PTPRK: variants seen among roughly 807,000 people sequenced by gnomAD.
PTPRK encodes receptor-type tyrosine-protein phosphatase kappa.
PTPRK carries 75 observed loss-of-function variants against 178.0 expected under a neutral mutation model. That is an observed-to-expected ratio of 0.42 (90% CI 0.35 to 0.51). The LOEUF is 0.51. Among genes scored for constraint, PTPRK ranks in the 20% least tolerant of loss-of-function variants. The pLI, the probability that PTPRK is intolerant of heterozygous loss-of-function variation, is 0.02. For synonymous variants in PTPRK, 637 were observed against 620.6 expected, an observed-to-expected ratio of 1.03 and a Z score of -0.39; for missense variants, 1,441 against 1,797.8, an observed-to-expected ratio of 0.80 and a Z score of 3.59.
chr6:128,455,394 G>A (rs143465152), intron 1 of PTPRK, among the ~76,000 whole-genome samples: 145 of 152,182 alleles, frequency 9.5e-4, no homozygotes, highest in African/African-American at 3.3e-3. Context: ...TATATTGCAG[G>A]TAGAAAACTA....
intron 7 of PTPRK, among the ~76,000 whole-genome samples, chr6:128,110,598 T>C (rs1206612261): frequency 2.6e-5 from 4 of 151,850 alleles, no homozygotes; most frequent in African/African-American, 9.7e-5. Context: ...GAAGGGAAAG[T>C]TGGCACTTTG....
intron 3 of PTPRK, among the ~76,000 whole-genome samples, chr6:128,252,206 T>C (rs1215581755): frequency 2.0e-5 from 3 of 152,224 alleles, no homozygotes; most frequent in Non-Finnish European, 4.4e-5. Flanking sequence ...TACATTCCTA[T>C]GTTTCAAATT....
chr6:128,408,946 T>G (rs1841993189), intron 1 of PTPRK, among the ~76,000 whole-genome samples: 1 of 152,156 alleles, frequency 6.6e-6, no homozygotes, highest in Admixed American at 6.5e-5. Context: ...AGAAACAACA[T>G]AGGATCTAGC....
At chr6:128,311,491 T>G (rs781590462) in intron 3 of PTPRK, among the ~76,000 whole-genome samples, 175 of 152,292 alleles carry the variant, frequency 1.1e-3, no homozygotes, top group Non-Finnish European at 2.1e-3. Flanking sequence ...ACTACTTCCC[T>G]CCTCATTTCA....
chr6:128,008,184 T>C, intron 14 of PTPRK: 1 of 580,002 alleles, frequency 1.7e-6, no homozygotes, highest in Non-Finnish European at 2.7e-6. Context: ...TGTTAATGCT[T>C]TATTTCAAGT....
intron 3 of PTPRK, among the ~76,000 whole-genome samples, chr6:128,265,207 G>A (rs1338437557): frequency 4.6e-5 from 7 of 152,168 alleles, no homozygotes; most frequent in African/African-American, 9.6e-5. Flanking sequence ...ACAATTACCC[G>A]ATATACCTTG....
chr6:128,471,715 C>A (rs545777438), intron 1 of PTPRK, among the ~76,000 whole-genome samples: 10 of 150,120 alleles, frequency 6.7e-5, no homozygotes, highest in Non-Finnish European at 1.3e-4. Flanking sequence ...AAAATACATT[C>A]TTTTTTATTT....
At chr6:128,221,204 A>T (rs192456312) in intron 5 of PTPRK, among the ~76,000 whole-genome samples, 5 of 152,274 alleles carry the variant, frequency 3.3e-5, no homozygotes, top group Non-Finnish European at 7.4e-5. Flanking sequence ...GTAAATAATA[A>T]AGAGGATACT....
chr6:128,400,446 G>T (rs889815438), intron 1 of PTPRK, among the ~76,000 whole-genome samples: 3 of 152,032 alleles, frequency 2.0e-5, no homozygotes, highest in African/African-American at 7.2e-5. Flanking sequence ...AAGTAAATAC[G>T]AAAAGTTTTA....
intron 1 of PTPRK, among the ~76,000 whole-genome samples, chr6:128,459,282 C>T (rs895874924): frequency 1.3e-5 from 2 of 152,056 alleles, no homozygotes; most frequent in East Asian, 3.8e-4. Flanking sequence ...CAAAACTTGG[C>T]AAAGTTCATT....
chr6:128,258,506 C>T (rs1817683756), intron 3 of PTPRK, among the ~76,000 whole-genome samples: 2 of 152,084 alleles, frequency 1.3e-5, no homozygotes, highest in African/African-American at 4.8e-5. Context: ...ATGTTAGTTT[C>T]GCTATGTACT....
At chr6:128,089,115 A>G (rs1333156946) in intron 8 of PTPRK, among the ~76,000 whole-genome samples, 1 of 152,104 alleles carries the variant, frequency 6.6e-6, no homozygotes, top group Admixed American at 6.6e-5. Flanking sequence ...GGCACCCGCC[A>G]CCACACCCAG....
At chr6:127,979,373 T>A (rs1774993149) in intron 25 of PTPRK, among the ~76,000 whole-genome samples, 1 of 152,274 alleles carries the variant, frequency 6.6e-6, no homozygotes. Flanking sequence ...GCATCAATGC[T>A]TTTCTAAATA....
intron 7 of PTPRK, among the ~76,000 whole-genome samples, chr6:128,175,202 C>G (rs1306689622): frequency 6.6e-6 from 1 of 151,854 alleles, no homozygotes; most frequent in African/African-American, 2.4e-5. Context: ...GATCAAATCA[C>G]TTCCCTATTG....
chr6:128,375,313 C>T (rs1396354370), intron 2 of PTPRK, among the ~76,000 whole-genome samples: 1 of 151,506 alleles, frequency 6.6e-6, no homozygotes, highest in Non-Finnish European at 1.5e-5. Flanking sequence ...GCTAGGGAGG[C>T]CTCATAATAA....
chr6:128,123,566 A>T (rs1396399284), intron 7 of PTPRK, among the ~76,000 whole-genome samples: 4 of 152,196 alleles, frequency 2.6e-5, no homozygotes, highest in Non-Finnish European at 5.9e-5. Context: ...TTACATTAAC[A>T]TGGTATGTTT....
intron 2 of PTPRK, among the ~76,000 whole-genome samples, chr6:128,362,466 G>C (rs112926896): frequency 0.01 from 1,539 of 152,206 alleles, 14 homozygotes; most frequent in Middle Eastern, 0.031. Flanking sequence ...TTAAACCTAT[G>C]ATGGGCACAC....
chr6:128,169,443 A>T (rs1034627455), intron 7 of PTPRK, among the ~76,000 whole-genome samples: 1 of 152,048 alleles, frequency 6.6e-6, no homozygotes, highest in African/African-American at 2.4e-5. Context: ...ATTGCTATAG[A>T]TCAATCTCTT....
At chr6:127,987,188 C>T (rs540919669) in intron 21 of PTPRK, among the ~76,000 whole-genome samples, 36 of 151,238 alleles carry the variant, frequency 2.4e-4, no homozygotes, top group African/African-American at 8.7e-4. Context: ...GCACCTATTC[C>T]CTGATTTTTT....
Sources: gnomAD v4.1 joint callset for allele counts (sites outside exome capture counted in the v4.1 genomes callset) on GRCh38, gnomAD v4.1.1 for gene constraint, MANE v1.5 for transcripts, NCBI Gene and HGNC (gene_info 2026-07-23, HGNC 2026-07-21) for gene names.